The following FAM171B variants were observed in gnomAD, a reference collection of about 807,000 sequenced individuals.
FAM171B encodes the protein family with sequence similarity 171 member B.
Under a neutral mutation model 75.6 loss-of-function variants are expected in FAM171B, and 19 were observed. That is an observed-to-expected ratio of 0.25 (90% confidence interval 0.18 to 0.37). FAM171B has a LOEUF of 0.37. Ranked by LOEUF, FAM171B falls within the 10% of genes least tolerant of loss-of-function variation. The probability of loss-of-function intolerance (pLI) is 1.00; values close to 1 mark genes in which losing one functional copy is unlikely to be tolerated. For missense variants in FAM171B, 848 were observed against 982.4 expected, an observed-to-expected ratio of 0.86 and a Z score of 1.83; for synonymous variants, 367 against 361.7, an observed-to-expected ratio of 1.01 and a Z score of -0.17.
intron 1 of FAM171B, among the ~76,000 whole-genome samples, chr2:186,703,061 GTGTA>G (rs1417404666): frequency 7.8e-6 from 1 of 128,178 alleles, no homozygotes; most frequent in Non-Finnish European, 1.6e-5. Flanking sequence ...ATATGTGTGT[GTGTA>G]TATATATATA....
intron 1 of FAM171B, among the ~76,000 whole-genome samples, chr2:186,710,706 T>G (rs1285125360): frequency 6.6e-6 from 1 of 152,190 alleles, no homozygotes; most frequent in African/African-American, 2.4e-5. Flanking sequence ...AAATTTTCAT[T>G]TTATTGTCAT....
In FAM171B at chr2:186,731,872, T is replaced by C. The variant is rs369234624; in HGVS notation, c.239-8356T>C. ...TTTTGAACTGAGCATGTGAGGGATC[T>C]AGGTTGCATGCTCCTTATGAAAATC... On this transcript the variant is annotated intron_variant, in intron 1 of 7. Transcript: ENST00000304698. 3.3e-5 allele frequency among the ~76,000 whole-genome samples: 5 copies of C among 152,272 alleles called. No individual in the cohort carries two copies. The East Asian group carries it at 5.8e-4, about 18-fold the overall frequency.
chr2:186,746,896 A>G (rs1690372481), intron 3 of FAM171B, among the ~76,000 whole-genome samples, 196 bp from the exon 4 acceptor site: 1 of 152,234 alleles, frequency 6.6e-6, no homozygotes, highest in South Asian at 2.1e-4. Flanking sequence ...AGCAGAATCA[A>G]TCAGTACAAA....
At chr2:186,736,538 C>CTGTGTGTG (rs10660120) in intron 1 of FAM171B, among the ~76,000 whole-genome samples, 65 of 122,942 alleles carry the variant, frequency 5.3e-4, no homozygotes, top group African/African-American at 1.4e-3. Context: ...ATGTTTGTGG[C>CTGTGTGTG]TGTGTGTGTG....
At chr2:186,702,982 G>A (rs1263963286) in intron 1 of FAM171B, among the ~76,000 whole-genome samples, 1 of 151,592 alleles carries the variant, frequency 6.6e-6, no homozygotes, top group Non-Finnish European at 1.5e-5. Context: ...TATTTCATTT[G>A]CCAGTATAAT....
At chr2:186,730,152 G>T (rs992105534) in intron 1 of FAM171B, among the ~76,000 whole-genome samples, 4 of 152,082 alleles carry the variant, frequency 2.6e-5, no homozygotes, top group African/African-American at 9.7e-5. Context: ...ATAGAGACAG[G>T]GTTTTACCAT....
intron 1 of FAM171B, among the ~76,000 whole-genome samples, chr2:186,710,243 C>T (rs1452683542): frequency 1.3e-5 from 2 of 152,164 alleles, no homozygotes; most frequent in Admixed American, 6.5e-5. Context: ...TGTTCTCCCT[C>T]GGGCTCTAGC....
chr2:186,725,312 C>A (rs1425226163), intron 1 of FAM171B, among the ~76,000 whole-genome samples: 1 of 151,120 alleles, frequency 6.6e-6, no homozygotes, highest in Non-Finnish European at 1.5e-5. Flanking sequence ...CCACTGCACT[C>A]CAACCTGGGC....
intron 1 of FAM171B, among the ~76,000 whole-genome samples, chr2:186,708,489 C>A (rs1224807174): frequency 6.6e-6 from 1 of 151,896 alleles, no homozygotes; most frequent in Non-Finnish European, 1.5e-5. Context: ...ATAAAAAGAC[C>A]ACACATAATA....
chr2:186,741,579 C>T (rs944802487), intron 2 of FAM171B, among the ~76,000 whole-genome samples: 3 of 152,064 alleles, frequency 2.0e-5, no homozygotes, highest in Admixed American at 6.6e-5. Flanking sequence ...CATATGACAA[C>T]ATGCTTTAAT....
At chr2:186,735,413 C>T (rs1690185630) in intron 1 of FAM171B, among the ~76,000 whole-genome samples, 1 of 152,130 alleles carries the variant, frequency 6.6e-6, no homozygotes. Context: ...TTAGGTTCTA[C>T]AATAGTGATG....
intron 1 of FAM171B, among the ~76,000 whole-genome samples, chr2:186,701,780 A>G (rs1419341176): frequency 1.3e-5 from 2 of 152,192 alleles, no homozygotes; most frequent in African/African-American, 2.4e-5. Flanking sequence ...TAGCAGTTTT[A>G]TAGTGTTCTT....
In FAM171B at chr2:186,694,127, C is replaced by CGCA; in HGVS notation, c.-45_-44insAGC. On this transcript the variant is annotated 5_prime_UTR_variant, in exon 1 of 8. Coordinates refer to ENST00000304698, the MANE Select transcript of FAM171B (RefSeq NM_177454.4). ...AGCCCGCAGCCCTGGCGCCCGCCGC[C>CGCA]GCCCGGAGCCCCGCAATATGCCGCC... 4.2e-6 allele frequency: 6 copies of CGCA among 1,440,836 alleles called. No individual in the cohort carries two copies. The highest frequency in any genetic ancestry group is 1.5e-5 in the African/African-American group (1 of 67,366). 89.3% of individuals were successfully genotyped at this position (1,440,836 alleles called of 1,614,324 possible). A position where few individuals can be genotyped will look rare whatever the true frequency, so the allele number is the denominator to read the frequency against.
At chr2:186,761,067 T>C in intron 6 of FAM171B, 46 bp from the exon 7 acceptor site, 8 of 1,568,890 alleles carry the variant, frequency 5.1e-6, no homozygotes, top group Non-Finnish European at 6.9e-6. Flanking sequence ...AGTTGAGAAT[T>C]TGATCTAAAA....
intron 1 of FAM171B, 93 bp downstream of exon 1, chr2:186,694,504 A>C: frequency 6.9e-7 from 1 of 1,444,178 alleles, no homozygotes; most frequent in Non-Finnish European, 9.2e-7. Context: ...ATCCATTCCT[A>C]TCCTCGTTCG....
chr2:186,747,993 G>A (rs1019635918), intron 4 of FAM171B, among the ~76,000 whole-genome samples: 2 of 151,978 alleles, frequency 1.3e-5, no homozygotes, highest in African/African-American at 4.8e-5. Flanking sequence ...CATGATTTTG[G>A]TTCACTGCAG....
chr2:186,749,475 A>G (rs1690419052), intron 4 of FAM171B, among the ~76,000 whole-genome samples: 1 of 152,200 alleles, frequency 6.6e-6, no homozygotes. Context: ...CTTGCAGTGG[A>G]TGGCTTACAA....
At chr2:186,738,354 T>C (rs1690235179) in intron 1 of FAM171B, among the ~76,000 whole-genome samples, 1 of 151,832 alleles carries the variant, frequency 6.6e-6, no homozygotes, top group Non-Finnish European at 1.5e-5. Flanking sequence ...GAGAAGAATT[T>C]TATTGAGCAA....
intron 6 of FAM171B, among the ~76,000 whole-genome samples, chr2:186,758,952 C>T (rs1301215039): frequency 6.6e-6 from 1 of 151,984 alleles, no homozygotes; most frequent in Non-Finnish European, 1.5e-5. Context: ...CCCCCAACCC[C>T]ACACTACCCT....
Sources: gnomAD v4.1 joint callset for allele counts (sites outside exome capture counted in the v4.1 genomes callset) on GRCh38, gnomAD v4.1.1 for gene constraint, MANE v1.5 for transcripts, NCBI Gene and HGNC (gene_info 2026-07-23, HGNC 2026-07-21) for gene names.